MTMR12: variants seen among roughly 807,000 people sequenced by gnomAD.
The protein encoded by MTMR12 is myotubularin-related protein 12.
A neutral mutation model predicts 96.7 loss-of-function variants in MTMR12; 33 were observed. The observed-to-expected ratio is 0.34, with a 90% CI of 0.26 to 0.46. The LOEUF (loss-of-function observed/expected upper bound fraction) is 0.46, where lower values mean the gene tolerates loss of function less well. Ranked by LOEUF, MTMR12 falls within the 20% of genes least tolerant of loss-of-function variation. The pLI is 1.00. For synonymous variants in MTMR12, 298 were observed against 327.2 expected (o/e 0.91, Z 0.96); for missense variants, 721 against 896.1 (o/e 0.80, Z 2.49).
chr5:32,307,366 G>A (rs1031853853), intron 1 of MTMR12, among the ~76,000 whole-genome samples: 5 of 152,036 alleles, frequency 3.3e-5, no homozygotes, highest in Non-Finnish European at 5.9e-5. Context: ...CAGAGGCACC[G>A]ACATCCTTTG....
Position 32,239,109 on chromosome 5 carries a change from G to A in MTMR12, c.1236C>T (p.His412=), listed in dbSNP as rs1748354548. 1 of 1,610,246 alleles carries A rather than the reference G, an allele frequency of 6.2e-7. No individual in the cohort carries two copies. The highest frequency in any genetic ancestry group is 1.3e-5 in the African/African-American group (1 of 74,928). Residue 412 remains histidine (H), a synonymous_variant, in exon 13 of 16, where the codon CAC becomes CAT. Transcript: ENST00000382142. ...SSLVQLMMDP[H]CRTRIGFQSL... ...TCTGGAAACCAATTCTGGTTCTGCAGTGGGGGTCCATCATCAGTTGCACCA... is the reference window on the plus strand; with the variant it reads ...TCTGGAAACCAATTCTGGTTCTGCAATGGGGGTCCATCATCAGTTGCACCA...
chr5:32,307,725 C>A (rs1378865576), intron 1 of MTMR12, among the ~76,000 whole-genome samples: 1 of 152,166 alleles, frequency 6.6e-6, no homozygotes. Flanking sequence ...TGTCCGATGC[C>A]AGTCCTTTCT....
At chr5:32,253,253 T>A (rs1249103381) in intron 8 of MTMR12, among the ~76,000 whole-genome samples, 1 of 152,206 alleles carries the variant, frequency 6.6e-6, no homozygotes, top group Non-Finnish European at 1.5e-5. Context: ...GTGCCTAGGT[T>A]AAGAAAGCCT....
chr5:32,287,847 T>C (rs958691113), intron 1 of MTMR12, among the ~76,000 whole-genome samples: 1 of 152,198 alleles, frequency 6.6e-6, no homozygotes, highest in Non-Finnish European at 1.5e-5. Flanking sequence ...ACTCTATACA[T>C]AATACCTTTG....
At chr5:32,274,547 A>G (rs1332655806) in intron 2 of MTMR12, among the ~76,000 whole-genome samples, 1 of 152,186 alleles carries the variant, frequency 6.6e-6, no homozygotes, top group Non-Finnish European at 1.5e-5. Flanking sequence ...GCAGATCCCA[A>G]GCCCACTTTC....
At chr5:32,311,949 CTTAA>C (rs1229501535) in intron 1 of MTMR12, among the ~76,000 whole-genome samples, 1 of 152,180 alleles carries the variant, frequency 6.6e-6, no homozygotes, top group African/African-American at 2.4e-5. Flanking sequence ...GTATAATTTA[CTTAA>C]TTATCTATAA....
At chr5:32,267,482 A>T (rs1285530603) in intron 6 of MTMR12, among the ~76,000 whole-genome samples, 1 of 152,140 alleles carries the variant, frequency 6.6e-6, no homozygotes, top group Admixed American at 6.5e-5. Flanking sequence ...GTCCAATGCT[A>T]GGCATTGTTA....
At chr5:32,297,852 C>T (rs1750986367) in intron 1 of MTMR12, among the ~76,000 whole-genome samples, 1 of 152,218 alleles carries the variant, frequency 6.6e-6, no homozygotes, top group Non-Finnish European at 1.5e-5. Flanking sequence ...AAACAGTTAA[C>T]TGGCTTGATT....
chr5:32,276,024 G>A (rs1750038010), intron 2 of MTMR12, among the ~76,000 whole-genome samples: 1 of 152,134 alleles, frequency 6.6e-6, no homozygotes, highest in South Asian at 2.1e-4. Flanking sequence ...TTAAGAAAAA[G>A]AAAGTAGAAA....
intron 1 of MTMR12, among the ~76,000 whole-genome samples, chr5:32,288,370 A>C (rs1246064839): frequency 6.6e-6 from 1 of 152,116 alleles, no homozygotes; most frequent in Non-Finnish European, 1.5e-5. Context: ...GCACTGCCTG[A>C]GGCAACACTG....
chr5:32,241,806 T>C (rs1156474608), intron 12 of MTMR12, among the ~76,000 whole-genome samples: 1 of 152,244 alleles, frequency 6.6e-6, no homozygotes, highest in African/African-American at 2.4e-5. Flanking sequence ...AAATGTGAGC[T>C]TTGGTAAAGA....
intron 1 of MTMR12, among the ~76,000 whole-genome samples, chr5:32,299,527 A>C (rs1006926528): frequency 2.0e-5 from 3 of 152,158 alleles, no homozygotes; most frequent in South Asian, 2.1e-4. Context: ...CTCCCCTTCT[A>C]CCACCGCCTC....
Position 32,295,594 on chromosome 5 carries a change from T to C in MTMR12, c.81+17164A>G, listed in dbSNP as rs116244411. 3.0e-3 allele frequency among the ~76,000 whole-genome samples: 461 copies of C among 152,336 alleles called. 3 individuals are homozygous for C. Among genetic ancestry groups the C allele is most frequent in the African/African-American group, 0.01 (424 of 41,570 alleles). ...CAGAGCATTTCAGACTACGAATCTA[T>C]TATCCACAATGATATATGCCTAAAT... On this transcript the variant is annotated intron_variant, in intron 1 of 15. Transcript: ENST00000382142.
At chr5:32,248,667 T>A in intron 9 of MTMR12, 105 bp downstream of exon 9, 1 of 819,362 alleles carries the variant, frequency 1.2e-6, no homozygotes, top group South Asian at 1.5e-5. Flanking sequence ...CCCCTAGCAT[T>A]AAGCTACCAG....
At chr5:32,303,179 C>T (rs1035100472) in intron 1 of MTMR12, among the ~76,000 whole-genome samples, 14 of 152,168 alleles carry the variant, frequency 9.2e-5, no homozygotes, top group Admixed American at 8.5e-4. Context: ...TGCATAATGG[C>T]ATTTGATATT....
chr5:32,302,590 G>A (rs1751195194), intron 1 of MTMR12, among the ~76,000 whole-genome samples: 1 of 152,070 alleles, frequency 6.6e-6, no homozygotes, highest in Non-Finnish European at 1.5e-5. Context: ...GGTGGCACGA[G>A]CCTGTAATCC....
intron 13 of MTMR12, among the ~76,000 whole-genome samples, 159 bp from the exon 14 acceptor site, chr5:32,235,288 T>C (rs999257970): frequency 6.6e-6 from 1 of 152,220 alleles, no homozygotes; most frequent in Non-Finnish European, 1.5e-5. Context: ...GTGAGAAATA[T>C]GCTCAACTGA....
intron 1 of MTMR12, among the ~76,000 whole-genome samples, chr5:32,280,951 A>G (rs1313050905): frequency 6.6e-6 from 1 of 152,016 alleles, no homozygotes; most frequent in African/African-American, 2.4e-5. Context: ...TAGGGGAATT[A>G]TTCAAGAATC....
Position 32,312,285 on chromosome 5 carries a change from C to A in MTMR12, c.81+473G>T, listed in dbSNP as rs1460422182. 6.6e-6 allele frequency among the ~76,000 whole-genome samples: 1 copy of A among 152,206 alleles called. No individual in the cohort carries two copies. The highest frequency in any genetic ancestry group is 1.5e-5 in the Non-Finnish European group (1 of 68,038). On this transcript the variant is annotated intron_variant, in intron 1 of 15. Transcript: ENST00000382142. This position sits in a 1 kb window ranked among gnomAD's most constrained non-coding sequence, Gnocchi z 5.0. ...ACGGGAGGCGGACGTAGGTGCAGGG[C>A]ATCCCGCCAGCCGCACCCGAGGCAC...
Sources: gnomAD v4.1 joint callset for allele counts (sites outside exome capture counted in the v4.1 genomes callset) on GRCh38, gnomAD v4.1.1 for gene constraint, Gnocchi (gnomAD v3.1) non-coding constraint, MANE v1.5 for transcripts, NCBI Gene and HGNC (gene_info 2026-07-23, HGNC 2026-07-21) for gene names.